CDC27: variants seen among roughly 807,000 people sequenced by gnomAD.
The protein encoded by CDC27 is cell division cycle 27.
Under a neutral mutation model 109.7 loss-of-function variants are expected in CDC27, and 27 were observed. That is an observed-to-expected ratio of 0.25 (90% confidence interval 0.18 to 0.34). The LOEUF (loss-of-function observed/expected upper bound fraction) is 0.34. Ranked by LOEUF, CDC27 falls within the 10% of genes least tolerant of loss-of-function variation. The pLI is 1.00. For missense variants in CDC27, 579 were observed against 960.2 expected (o/e 0.60, Z 5.25); for synonymous variants, 266 against 333.9 (o/e 0.80, Z 2.22).
At chr17:47,138,690 G>C (rs758559512) in intron 13 of CDC27, 49 bp downstream of exon 13, 1 of 1,305,100 alleles carries the variant, frequency 7.7e-7, no homozygotes, top group South Asian at 1.2e-5. Context: ...TATCTGTTGA[G>C]GGTGATCAAA....
intron 4 of CDC27, among the ~76,000 whole-genome samples, chr17:47,167,759 C>T (rs889237631): frequency 6.6e-6 from 1 of 152,128 alleles, no homozygotes; most frequent in Non-Finnish European, 1.5e-5. Context: ...GCTGAATGTC[C>T]GCTAATTCAA....
chr17:47,132,741 TTTA>T (rs34229894), intron 14 of CDC27, among the ~76,000 whole-genome samples: 17,915 of 124,928 alleles, frequency 0.14, 1,342 homozygotes, highest in Non-Finnish European at 0.17. Flanking sequence ...ATTAAAGCAG[TTTA>T]TTATTATTAT....
At chr17:47,147,900 A>G (rs1240879422) in intron 9 of CDC27, among the ~76,000 whole-genome samples, 131 of 143,514 alleles carry the variant, frequency 9.1e-4, no homozygotes, top group African/African-American at 3.2e-3. Context: ...CCCTGTCTCA[A>G]AAAAAAAAAA....
chr17:47,125,558 T>G (rs1165811353), intron 16 of CDC27, among the ~76,000 whole-genome samples: 1 of 144,296 alleles, frequency 6.9e-6, no homozygotes, highest in East Asian at 2.0e-4. Context: ...TAAAGAAATC[T>G]TTTTTTTTTT....
At chr17:47,125,901 C>T (rs2062125289) in intron 16 of CDC27, among the ~76,000 whole-genome samples, 1 of 152,192 alleles carries the variant, frequency 6.6e-6, no homozygotes, top group African/African-American at 2.4e-5. Flanking sequence ...TGCTACAACA[C>T]ACACAATTCA....
chr17:47,130,233 C>T (rs147511356), intron 15 of CDC27, among the ~76,000 whole-genome samples: 11 of 152,012 alleles, frequency 7.2e-5, no homozygotes, highest in Admixed American at 4.6e-4. Context: ...TGGTGTCACA[C>T]GCCTGTAGTC....
At chr17:47,160,001 C>T (rs1598519848) in intron 4 of CDC27, 6 of 192,822 alleles carry the variant, frequency 3.1e-5, no homozygotes, top group South Asian at 1.5e-4. Context: ...ACCTCTGCTT[C>T]TTTTTTTTTT....
intron 12 of CDC27, 55 bp from the exon 13 acceptor site, chr17:47,138,946 C>A (rs1171618499): frequency 1.7e-6 from 2 of 1,199,972 alleles, no homozygotes; most frequent in Admixed American, 2.4e-5. Context: ...TATATATATA[C>A]ACAGGGAAAG....
intron 4 of CDC27, 44 bp from the exon 5 acceptor site, chr17:47,158,347 A>C: frequency 1.0e-6 from 1 of 967,366 alleles, no homozygotes; most frequent in Non-Finnish European, 1.5e-6. Flanking sequence ...CAAACCCCAA[A>C]ACCTGTATCA....
chr17:47,155,868 G>A (rs2063288548), intron 7 of CDC27, among the ~76,000 whole-genome samples: 2 of 152,076 alleles, frequency 1.3e-5, no homozygotes, highest in South Asian at 2.1e-4. Context: ...TGGGAGGATC[G>A]CTTGAGCCCA....
intron 13 of CDC27, 65 bp from the exon 14 acceptor site, chr17:47,137,425 T>C: frequency 1.1e-6 from 1 of 933,042 alleles, no homozygotes; most frequent in Non-Finnish European, 1.5e-6. Flanking sequence ...ACCAAATCTA[T>C]GACTAAAATC....
chr17:47,132,901 G>A (rs1028364147), intron 14 of CDC27, among the ~76,000 whole-genome samples: 1 of 141,002 alleles, frequency 7.1e-6, no homozygotes, highest in African/African-American at 2.6e-5. Context: ...AGCATCCTGA[G>A]TAGCTGCAAC....
intron 15 of CDC27, among the ~76,000 whole-genome samples, 172 bp from the exon 16 acceptor site, chr17:47,129,693 T>C (rs979811413): frequency 1.2e-4 from 18 of 152,222 alleles, no homozygotes; most frequent in African/African-American, 4.3e-4. Context: ...AAATGATTAA[T>C]AGATTATCTC....
chr17:47,129,619 A>G, intron 15 of CDC27, 98 bp from the exon 16 acceptor site: 1 of 786,444 alleles, frequency 1.3e-6, no homozygotes, highest in Non-Finnish European at 2.0e-6. Flanking sequence ...AAATTATTAG[A>G]GATAAGGTTG....
intron 1 of CDC27, among the ~76,000 whole-genome samples, chr17:47,183,159 C>T (rs956343001): frequency 6.6e-6 from 1 of 152,120 alleles, no homozygotes; most frequent in Non-Finnish European, 1.5e-5. Context: ...AGATATCTCA[C>T]ACCTGATCAT....
intron 9 of CDC27, among the ~76,000 whole-genome samples, chr17:47,147,682 C>A (rs746397050): frequency 2.6e-4 from 39 of 151,926 alleles, no homozygotes; most frequent in African/African-American, 9.0e-4. Context: ...TCTGCCTGGA[C>A]AACATAGCAA....
intron 2 of CDC27, among the ~76,000 whole-genome samples, chr17:47,180,077 A>C (rs1449503527): frequency 6.6e-6 from 1 of 152,176 alleles, no homozygotes; most frequent in African/African-American, 2.4e-5. Flanking sequence ...GCAGTGAGCT[A>C]TGATTGTGCC....
chr17:47,184,768 G>T (rs1397173580), intron 1 of CDC27, among the ~76,000 whole-genome samples: 1 of 152,112 alleles, frequency 6.6e-6, no homozygotes, highest in African/African-American at 2.4e-5. Flanking sequence ...GCCGGGATTG[G>T]GGGGAAGAAC....
chr17:47,174,977 G>GGACAT (rs2063940016), intron 2 of CDC27, among the ~76,000 whole-genome samples: 1 of 113,384 alleles, frequency 8.8e-6, no homozygotes, highest in Non-Finnish European at 2.0e-5. Flanking sequence ...AAACAGGACA[G>GGACAT]GACAGGACAG....
Sources: gnomAD v4.1 joint callset for allele counts (sites outside exome capture counted in the v4.1 genomes callset) on GRCh38, gnomAD v4.1.1 for gene constraint, MANE v1.5 for transcripts, NCBI Gene and HGNC (gene_info 2026-07-23, HGNC 2026-07-21) for gene names.